DACH2: variants seen among roughly 807,000 people sequenced by gnomAD.
The protein encoded by DACH2 is dachshund homolog 2.
In DACH2, 17 loss-of-function variants were observed where a neutral mutation model predicts 35.8. The observed-to-expected ratio is 0.48, with a 90% confidence interval of 0.33 to 0.71. The LOEUF (loss-of-function observed/expected upper bound fraction) is 0.71. DACH2 is among the 30% of genes least tolerant of loss of function. DACH2 has a pLI of 0.02. For missense variants in DACH2, 469 were observed against 472.7 expected (o/e 0.99, Z 0.07); for synonymous variants, 195 against 177.3 (o/e 1.10, Z -0.79).
intron 1 of DACH2, among the ~76,000 whole-genome samples, chrX:86,244,340 G>A (rs770371546): frequency 8.9e-6 from 1 of 112,192 alleles, no homozygotes; most frequent in South Asian, 3.7e-4. Flanking sequence ...AAATTCGTGG[G>A]AAGATACAAT....
chrX:86,362,674 TTTC>T (rs1158583162), intron 1 of DACH2, among the ~76,000 whole-genome samples: 1 of 111,144 alleles, frequency 9.0e-6, no homozygotes, highest in African/African-American at 3.3e-5. Context: ...CACTTAATGT[TTTC>T]TTAGACATTT....
At chrX:86,283,893 CAT>C (rs1491085656) in intron 1 of DACH2, among the ~76,000 whole-genome samples, 1 of 102,466 alleles carries the variant, frequency 9.8e-6, no homozygotes, top group African/African-American at 4.4e-5. Flanking sequence ...CACACACACA[CAT>C]ACACACACAC....
At chrX:86,807,972 G>C (rs1324816710) in intron 7 of DACH2, among the ~76,000 whole-genome samples, 1 of 111,771 alleles carries the variant, frequency 8.9e-6, no homozygotes, top group Non-Finnish European at 1.9e-5. Flanking sequence ...ATATCACGTG[G>C]AAGTTCTGTG....
intron 1 of DACH2, among the ~76,000 whole-genome samples, chrX:86,181,170 A>ATCTATCTG (rs1168472055): frequency 2.8e-5 from 3 of 108,858 alleles, no homozygotes; most frequent in Non-Finnish European, 5.7e-5. Context: ...CTATCTATCT[A>ATCTATCTG]TCTATCTATC....
intron 2 of DACH2, among the ~76,000 whole-genome samples, chrX:86,512,558 T>C (rs1481961851): frequency 1.8e-5 from 2 of 111,832 alleles, no homozygotes; most frequent in Non-Finnish European, 3.8e-5. Context: ...AGTCTGAAAG[T>C]GTTCATGAGA....
chrX:86,268,636 G>A (rs953531654), intron 1 of DACH2, among the ~76,000 whole-genome samples: 58 of 108,973 alleles, frequency 5.3e-4, no homozygotes, highest in Non-Finnish European at 8.5e-4. Flanking sequence ...CAGGGTGCAA[G>A]CGATTCTCGT....
At chrX:86,551,920 G>T (rs2039054927) in intron 3 of DACH2, among the ~76,000 whole-genome samples, 1 of 111,476 alleles carries the variant, frequency 9.0e-6, no homozygotes, top group Non-Finnish European at 1.9e-5. Context: ...TTAATTTTAG[G>T]AGAATCTCAT....
Position 86,816,078 on chromosome X carries a change from C to T in DACH2, c.1729C>T (p.His577Tyr). ...TGAAATAGAAAACAATGGGACTCCT[C>T]ATGATAGTGCTGCTATGCAAGGTAC... ...DIEIENNGTPHDSAAMQGGNY... is the reference protein window; with the variant it reads ...DIEIENNGTPYDSAAMQGGNY... Residue 577 changes from histidine (H) to tyrosine (Y), a missense_variant, in exon 11 of 12, where the codon CAT becomes TAT. His to Tyr is a moderately conservative substitution (Grantham distance 83). Around this residue, in one of 3 missense-constraint regions of DACH2, gnomAD observed 363 missense variants for 334.4 expected, o/e 1.09. Transcript: ENST00000373125. 8.5e-7 allele frequency: 1 copy of T among 1,180,682 alleles called. No homozygotes were observed. Among genetic ancestry groups the T allele is most frequent in the Non-Finnish European group, 1.1e-6 (1 of 879,522 alleles).
At chrX:86,392,916 T>C (rs1698257500) in intron 2 of DACH2, among the ~76,000 whole-genome samples, 1 of 110,891 alleles carries the variant, frequency 9.0e-6, no homozygotes, top group Admixed American at 9.7e-5. Context: ...CATTTGGCAA[T>C]GTTTGGAGGC....
At chrX:86,386,312 G>T (rs747354979) in intron 2 of DACH2, among the ~76,000 whole-genome samples, 19 of 111,291 alleles carry the variant, frequency 1.7e-4, no homozygotes, top group Non-Finnish European at 3.4e-4. Flanking sequence ...GAGGCAAAAT[G>T]CCATTTTCAT....
chrX:86,255,234 A>T (rs777452889), intron 1 of DACH2, among the ~76,000 whole-genome samples: 1 of 111,696 alleles, frequency 9.0e-6, no homozygotes, highest in African/African-American at 3.2e-5. Flanking sequence ...GGGAGAACAG[A>T]CAGTGTAGTG....
chrX:86,578,012 A>G (rs2039456582), intron 3 of DACH2, among the ~76,000 whole-genome samples: 1 of 111,995 alleles, frequency 8.9e-6, no homozygotes, highest in Admixed American at 9.5e-5. Context: ...CATGAGTTCT[A>G]TGAGTGGCAC....
At chrX:86,426,185 T>G (rs2036890794) in intron 2 of DACH2, among the ~76,000 whole-genome samples, 1 of 111,345 alleles carries the variant, frequency 9.0e-6, no homozygotes, top group Non-Finnish European at 1.9e-5. Context: ...AAAAGAATGT[T>G]TATCATAGTA....
intron 1 of DACH2, among the ~76,000 whole-genome samples, chrX:86,200,179 A>G (rs1217074116): frequency 1.8e-5 from 2 of 111,311 alleles, no homozygotes; most frequent in Non-Finnish European, 3.8e-5. Context: ...AAGCTGACAT[A>G]GACAACCAAT....
At chrX:86,405,210 C>T (rs1207039997) in intron 2 of DACH2, among the ~76,000 whole-genome samples, 1 of 111,932 alleles carries the variant, frequency 8.9e-6, no homozygotes, top group Non-Finnish European at 1.9e-5. Context: ...CTTCTGGCTA[C>T]TTATGCAATG....
chrX:86,465,035 G>C (rs1168172687), intron 2 of DACH2, among the ~76,000 whole-genome samples: 1 of 111,936 alleles, frequency 8.9e-6, no homozygotes, highest in African/African-American at 3.2e-5. Context: ...TTTTTTAACA[G>C]TAGTTAAAAT....
chrX:86,211,385 C>T (rs1048419044), intron 1 of DACH2, among the ~76,000 whole-genome samples: 1 of 111,006 alleles, frequency 9.0e-6, no homozygotes, highest in Non-Finnish European at 1.9e-5. Flanking sequence ...TATTTGTTTG[C>T]TTCTGTCATT....
At chrX:86,192,789 C>A (rs964677208) in intron 1 of DACH2, among the ~76,000 whole-genome samples, 1 of 112,188 alleles carries the variant, frequency 8.9e-6, no homozygotes, top group Non-Finnish European at 1.9e-5. Context: ...CATGAAATAA[C>A]AAAATAACAT....
chrX:86,571,355 G>C (rs2039365334), intron 3 of DACH2, among the ~76,000 whole-genome samples: 1 of 110,115 alleles, frequency 9.1e-6, no homozygotes, highest in Non-Finnish European at 1.9e-5. Flanking sequence ...GTGCAGGTTT[G>C]TTACATATGT....
Sources: allele counts gnomAD v4.1 joint callset (sites outside exome capture counted in the v4.1 genomes callset), GRCh38; gene constraint gnomAD v4.1.1; regional missense constraint gnomAD v4.1.1; transcripts MANE v1.5; gene names NCBI Gene and HGNC (gene_info 2026-07-23, HGNC 2026-07-21).